SLC26A7: variants seen among roughly 807,000 people sequenced by gnomAD.
The protein encoded by SLC26A7 is solute carrier family 26 member 7.
SLC26A7 carries 59 observed loss-of-function variants against 82.5 expected under a neutral mutation model. That is an observed-to-expected ratio of 0.72 (90% CI 0.58 to 0.89). The LOEUF is 0.89. Ranked by LOEUF, SLC26A7 falls within the 40% of genes least tolerant of loss-of-function variation. The pLI, the probability that SLC26A7 is intolerant of heterozygous loss-of-function variation, is 0.00. For synonymous variants in SLC26A7, 271 were observed against 274.3 expected (o/e 0.99, Z 0.12); for missense variants, 820 against 793.0 (o/e 1.03, Z -0.41).
At chr8:91,212,438 C>A (rs887669552) in intron 1 of SLC26A7, among the ~76,000 whole-genome samples, 1 of 152,144 alleles carries the variant, frequency 6.6e-6, no homozygotes, top group Non-Finnish European at 1.5e-5. Context: ...GTAATTAAAA[C>A]TACCCTCAAA....
chr8:91,388,029 G>C (rs1814844512), intron 15 of SLC26A7, among the ~76,000 whole-genome samples: 1 of 152,184 alleles, frequency 6.6e-6, no homozygotes, highest in Non-Finnish European at 1.5e-5. Context: ...CAAATACATA[G>C]AAATTACTTT....
At chr8:91,393,332 A>C (rs143502757) in intron 16 of SLC26A7, among the ~76,000 whole-genome samples, 16 of 152,244 alleles carry the variant, frequency 1.1e-4, no homozygotes, top group African/African-American at 3.6e-4. Flanking sequence ...TTGGGTAATC[A>C]AACTTGGCTT....
chr8:91,310,433 TC>T (rs1346541449), intron 4 of SLC26A7, among the ~76,000 whole-genome samples: 1 of 151,998 alleles, frequency 6.6e-6, no homozygotes, highest in Non-Finnish European at 1.5e-5. Flanking sequence ...AGTTTATGGG[TC>T]CCCTGTAGAA....
rs1005104837 is a variant in SLC26A7 at position 91,393,842 on chromosome 8, C to T, written c.1822C>T (p.His608Tyr). 2.2e-5 allele frequency: 36 copies of T among 1,613,502 alleles called. No individual in the cohort carries two copies. Among genetic ancestry groups the T allele is most frequent in the Non-Finnish European group, 2.5e-5 (29 of 1,179,638 alleles). Residue 608 changes from histidine (H) to tyrosine (Y), a missense_variant, in exon 17 of 19, where the codon CAT becomes TAT. Physicochemically the swap from His to Tyr is moderately conservative, Grantham distance 83 (BLOSUM62 2). Transcript: ENST00000276609. ...KGRSVDVLLA[H>Y]CTASLIKAMT... ...CAGGAGTGTGGATGTATTGTTAGCC[C>T]ATTGTACAGGTAAGAGAATGTCCCT...
At chr8:91,212,144 A>G (rs969442598) in intron 1 of SLC26A7, among the ~76,000 whole-genome samples, 2 of 152,174 alleles carry the variant, frequency 1.3e-5, no homozygotes, top group Admixed American at 6.5e-5. Context: ...AATATTAGCT[A>G]CTAATGATAT....
intron 1 of SLC26A7, among the ~76,000 whole-genome samples, chr8:91,218,543 T>C (rs1017097236): frequency 1.3e-5 from 2 of 152,160 alleles, no homozygotes; most frequent in Non-Finnish European, 2.9e-5. Context: ...TATTTGCTGA[T>C]TGATCAATTT....
At chr8:91,234,828 CTT>C (rs1351139920) in intron 2 of SLC26A7, among the ~76,000 whole-genome samples, 109 of 66,196 alleles carry the variant, frequency 1.6e-3, no homozygotes, top group South Asian at 2.8e-3. Flanking sequence ...TACCTACCTA[CTT>C]CCTTCCTTCC....
chr8:91,317,352 T>C (rs920002161), intron 4 of SLC26A7, among the ~76,000 whole-genome samples: 3 of 152,170 alleles, frequency 2.0e-5, no homozygotes, highest in Admixed American at 2.0e-4. Flanking sequence ...TTTGTACTGA[T>C]TTGTGGGCTT....
At chr8:91,260,317 C>T (rs1470966260) in intron 2 of SLC26A7, among the ~76,000 whole-genome samples, 6 of 151,856 alleles carry the variant, frequency 4.0e-5, no homozygotes, top group Non-Finnish European at 7.4e-5. Flanking sequence ...ATCACGAGAA[C>T]GTCATGGGAC....
intron 18 of SLC26A7, chr8:91,394,524 T>G: frequency 1.5e-6 from 2 of 1,313,586 alleles, no homozygotes; most frequent in Non-Finnish European, 1.9e-6. Flanking sequence ...GCTGGGCTTA[T>G]GGTTTAGTTT....
intron 8 of SLC26A7, chr8:91,343,128 A>G: frequency 2.2e-6 from 1 of 459,748 alleles, no homozygotes; most frequent in East Asian, 3.8e-5. Flanking sequence ...ATTTCCCTAT[A>G]AGGTTGTTCT....
At chr8:91,356,934 G>T (rs569945852) in intron 11 of SLC26A7, among the ~76,000 whole-genome samples, 1 of 152,128 alleles carries the variant, frequency 6.6e-6, no homozygotes, top group South Asian at 2.1e-4. Context: ...AGAGCAGCCC[G>T]CAGTTCTTAT....
Position 91,234,823 on chromosome 8 carries a change from ACCTACTTCCTTCCTTCCTTC to A in SLC26A7, c.-33-14794_-33-14775del, listed in dbSNP as rs1236028828. 1.3e-4 allele frequency among the ~76,000 whole-genome samples: 10 copies of A among 74,328 alleles called. 1 individual carries two copies. Among genetic ancestry groups the A allele is most frequent in the African/African-American group, 4.8e-4 (7 of 14,434 alleles). The allele number at this position is 74,328 out of a possible 152,430, so 48.8% of individuals were successfully genotyped here. A position where few individuals can be genotyped will look rare whatever the true frequency, so the allele number is the denominator to read the frequency against. Reference sequence around the variant, plus strand: ...TACCTACCTACCTACCTACCTACCTACCTACTTCCTTCCTTCCTTCCTTCCTTCCTTCCTTCCTTCCTTCC... The same window carrying A: ...TACCTACCTACCTACCTACCTACCTACTTCCTTCCTTCCTTCCTTCCTTCC... On this transcript the variant is annotated intron_variant, in intron 2 of 5. Transcript: ENST00000522862.
intron 15 of SLC26A7, among the ~76,000 whole-genome samples, chr8:91,371,365 T>C (rs1204732773): frequency 2.6e-5 from 4 of 151,868 alleles, no homozygotes; most frequent in Admixed American, 6.6e-5. Context: ...ACCCAATAAG[T>C]AGTTTTTCAA....
rs1172340015 is a variant in SLC26A7 at position 91,318,318 on chromosome 8, CAAGT to C, written c.581_584del (p.Gln194ProfsTer7). The C allele has an allele frequency of 6.2e-7, 1 of 1,612,418 alleles. No homozygotes were observed. The highest frequency in any genetic ancestry group is 8.5e-7 in the Non-Finnish European group (1 of 1,179,144). ...GGCTGCCACCCATGTGGTGACTTCA[CAAGT>C]CAAATATCTCTTGGGAATGAAAATG... On this transcript the variant is annotated frameshift_variant, in exon 5 of 19. Transcript: ENST00000276609. LOFTEE classifies it high-confidence loss of function.
At chr8:91,347,732 G>A (rs1006699902) in intron 9 of SLC26A7, among the ~76,000 whole-genome samples, 10 of 152,254 alleles carry the variant, frequency 6.6e-5, no homozygotes, top group African/African-American at 1.9e-4. Context: ...AACACCAAGT[G>A]CCATGGTCAT....
At chr8:91,386,967 T>G (rs1342488896) in intron 15 of SLC26A7, among the ~76,000 whole-genome samples, 29 of 152,296 alleles carry the variant, frequency 1.9e-4, no homozygotes, top group Non-Finnish European at 7.4e-5. Flanking sequence ...TCTTACTAAT[T>G]TTTAAATCTT....
intron 2 of SLC26A7, among the ~76,000 whole-genome samples, chr8:91,231,661 C>T (rs1426580038): frequency 6.6e-6 from 1 of 151,466 alleles, no homozygotes; most frequent in Non-Finnish European, 1.5e-5. Context: ...CTTGCAGCTT[C>T]TGGTGGATTA....
chr8:91,248,627 A>G (rs1810581445), upstream of SLC26A7, among the ~76,000 whole-genome samples: 1 of 152,132 alleles, frequency 6.6e-6, no homozygotes, highest in African/African-American at 2.4e-5. Context: ...CTATTATAAA[A>G]TGTAACACCC....
Sources: allele counts gnomAD v4.1 joint callset (sites outside exome capture counted in the v4.1 genomes callset), GRCh38; gene constraint gnomAD v4.1.1; transcripts MANE v1.5; gene names NCBI Gene and HGNC (gene_info 2026-07-23, HGNC 2026-07-21).